MAP7: variants seen among roughly 807,000 people sequenced by gnomAD.
MAP7 encodes microtubule associated protein 7, also known as ensconsin.
MAP7 carries 52 observed loss-of-function variants against 94.8 expected under a neutral mutation model. The observed-to-expected ratio is 0.55, with a 90% confidence interval of 0.44 to 0.69. The LOEUF is 0.69. Among genes scored for constraint, MAP7 ranks in the 30% least tolerant of loss-of-function variants. MAP7 has a pLI of 0.00. For synonymous variants in MAP7, 350 were observed against 357.0 expected (o/e 0.98, Z 0.22); for missense variants, 940 against 964.6 (o/e 0.97, Z 0.34).
Position 136,343,161 on chromosome 6 carries a change from A to G in MAP7, c.*1067T>C, listed in dbSNP as rs1287392194. 1 of 152,692 alleles carries G rather than the reference A, an allele frequency of 6.5e-6. No homozygotes were observed. The highest frequency in any genetic ancestry group is 2.4e-5 in the African/African-American group (1 of 41,462). 9.5% of individuals were successfully genotyped at this position (152,692 alleles called of 1,614,324 possible). ...GTTTGTACAGCTAGGCTCAGCAGCA[A>G]AAGTGAAGAATAAGAATGAAAGGTG... On this transcript the variant is annotated 3_prime_UTR_variant, in exon 18 of 18. Coordinates refer to ENST00000354570, the MANE Select transcript of MAP7 (RefSeq NM_003980.6).
intron 1 of MAP7, among the ~76,000 whole-genome samples, chr6:136,460,256 TATA>T (rs1217711026): frequency 1.3e-5 from 2 of 152,196 alleles, no homozygotes; most frequent in Non-Finnish European, 2.9e-5. Flanking sequence ...TAATTTCTCA[TATA>T]ATATTTAATA....
At chr6:136,372,692 G>T in intron 7 of MAP7, 67 bp from the exon 8 acceptor site, 10 of 1,607,252 alleles carry the variant, frequency 6.2e-6, no homozygotes, top group Non-Finnish European at 8.5e-6. Context: ...AGTGCCAGAG[G>T]AGCAGTTGAA....
chr6:136,346,040 T>C lies in MAP7; in HGVS notation c.2055A>G (p.Val685=), dbSNP rs139241195. 161 of 1,613,422 alleles carry C rather than the reference T, an allele frequency of 1.0e-4. 1 individual carries two copies. In the East Asian group the frequency reaches 3.5e-3, roughly 35 times the overall value. Residue 685 remains valine (V), a synonymous_variant, in exon 17 of 18, where the codon GTA becomes GTG. Coordinates refer to ENST00000354570, the MANE Select transcript of MAP7 (RefSeq NM_003980.6). The part of the protein sequence containing the change: ...DLEKQPNENG[V]SVQNENFEEI... ...CTTCAAAATTTTCATTCTGAACAGA[T>C]ACACCATTTTCATTTGGTTGTTTTT...
intron 1 of MAP7, among the ~76,000 whole-genome samples, chr6:136,482,874 C>T (rs1046471297): frequency 2.0e-5 from 3 of 151,998 alleles, no homozygotes; most frequent in African/African-American, 7.2e-5. Flanking sequence ...TGCTCCAGAA[C>T]TTGGTCAACT....
intron 6 of MAP7, among the ~76,000 whole-genome samples, chr6:136,382,166 C>T (rs2206056): frequency 0.67 from 101,759 of 151,704 alleles, 37,740 homozygotes; most frequent in Non-Finnish European, 0.83. Flanking sequence ...GAAGGTCTAT[C>T]GTGCAGAGAG....
intron 12 of MAP7, 21 bp from the exon 13 acceptor site, chr6:136,360,819 T>G: frequency 6.2e-7 from 1 of 1,611,948 alleles, no homozygotes; most frequent in Non-Finnish European, 8.5e-7. Context: ...AAGGTCGGCG[T>G]CTGCCTCTGA....
chr6:136,352,773 C>T (rs1022979672), intron 16 of MAP7, among the ~76,000 whole-genome samples: 3 of 152,196 alleles, frequency 2.0e-5, no homozygotes, highest in African/African-American at 4.8e-5. Flanking sequence ...ATGGAAACTA[C>T]AAACAATGAC....
At chr6:136,488,257 CT>C (rs944150403) in intron 1 of MAP7, among the ~76,000 whole-genome samples, 3 of 151,930 alleles carry the variant, frequency 2.0e-5, no homozygotes, top group Non-Finnish European at 4.4e-5. Context: ...TTTCACAAAG[CT>C]TTTTTTGGGT....
At chr6:136,414,876 G>A (rs1788855346) in intron 2 of MAP7, among the ~76,000 whole-genome samples, 1 of 150,518 alleles carries the variant, frequency 6.6e-6, no homozygotes, top group South Asian at 2.1e-4. Context: ...GTGCAGTGGC[G>A]TGATCTCAGC....
chr6:136,362,024 A>G (rs1792946872), intron 11 of MAP7, among the ~76,000 whole-genome samples: 1 of 152,230 alleles, frequency 6.6e-6, no homozygotes, highest in Non-Finnish European at 1.5e-5. Context: ...GAGAGACTAG[A>G]AAGGACCACC....
At chr6:136,367,272 C>A (rs565775280) in intron 8 of MAP7, among the ~76,000 whole-genome samples, 1 of 152,228 alleles carries the variant, frequency 6.6e-6, no homozygotes, top group East Asian at 1.9e-4. Flanking sequence ...CAAAACAGAC[C>A]CATTCCAAGT....
chr6:136,376,597 T>A (rs1362927029), intron 7 of MAP7, among the ~76,000 whole-genome samples: 3 of 152,228 alleles, frequency 2.0e-5, no homozygotes, highest in South Asian at 4.1e-4. Context: ...GTTCAGCTAG[T>A]TGACTGCACA....
chr6:136,480,641 CAAAAAAAAA>C (rs769951186), intron 1 of MAP7, among the ~76,000 whole-genome samples: 6 of 20,146 alleles, frequency 3.0e-4, no homozygotes, highest in East Asian at 1.1e-3. Context: ...GACTCTGCCT[CAAAAAAAAA>C]AAAAAAAAAA....
At chr6:136,439,694 A>G (rs1797308470) in intron 1 of MAP7, among the ~76,000 whole-genome samples, 1 of 152,050 alleles carries the variant, frequency 6.6e-6, no homozygotes, top group African/African-American at 2.4e-5. Flanking sequence ...CACTTTATTC[A>G]CTGGGCTGTC....
intron 1 of MAP7, among the ~76,000 whole-genome samples, chr6:136,491,455 A>G (rs1223539583): frequency 6.6e-6 from 1 of 152,146 alleles, no homozygotes; most frequent in Non-Finnish European, 1.5e-5. Flanking sequence ...GTGGTGCCCA[A>G]ACCCAGTCTG....
At chr6:136,522,717 C>G (rs758195555) in intron 1 of MAP7, among the ~76,000 whole-genome samples, 8 of 152,122 alleles carry the variant, frequency 5.3e-5, no homozygotes, top group Non-Finnish European at 1.0e-4. Context: ...TGCTATGATG[C>G]TTTGGGAATA....
chr6:136,524,031 G>C (rs1271051611), intron 1 of MAP7, among the ~76,000 whole-genome samples: 1 of 152,074 alleles, frequency 6.6e-6, no homozygotes, highest in African/African-American at 2.4e-5. Context: ...ACAAGGTCAG[G>C]AGTTTGAGAC....
chr6:136,469,381 T>C (rs549548495), intron 1 of MAP7, among the ~76,000 whole-genome samples: 7 of 150,846 alleles, frequency 4.6e-5, no homozygotes, highest in African/African-American at 1.7e-4. Context: ...TTTCTTTCTC[T>C]CTCTTTCTCT....
At position 136,537,875 on chromosome 6, in the gene MAP7, C is replaced by G. The variant is rs548591964; in HGVS notation, c.67+12467G>C. Among the ~76,000 whole-genome samples the G allele has an allele frequency of 5.3e-5, 8 of 151,844 alleles. No individual in the cohort carries two copies. The South Asian group carries it at 1.7e-3, about 32-fold the overall frequency. Reference sequence around the variant, plus strand: ...CAATCTCGGCTCACCGCACCTTCCTCTTTTCAAGCGATTCTCCTGCCTCAG... The same window carrying G: ...CAATCTCGGCTCACCGCACCTTCCTGTTTTCAAGCGATTCTCCTGCCTCAG... On this transcript the variant is annotated intron_variant, in intron 1 of 17. Transcript: ENST00000354570.
Sources: gnomAD v4.1 joint callset for allele counts (sites outside exome capture counted in the v4.1 genomes callset) on GRCh38, gnomAD v4.1.1 for gene constraint, MANE v1.5 for transcripts, NCBI Gene and HGNC (gene_info 2026-07-23, HGNC 2026-07-21) for gene names.